Variants in TMEM117 observed in about 807,000 individuals in gnomAD.
The protein encoded by TMEM117 is transmembrane protein 117.
Under a neutral mutation model 52.4 loss-of-function variants are expected in TMEM117, and 27 were observed. The ratio of observed to expected loss-of-function variants is 0.51; its 90% CI spans 0.38 to 0.71. TMEM117 has a LOEUF of 0.71. Ranked by LOEUF, TMEM117 falls within the 30% of genes least tolerant of loss-of-function variation. TMEM117 has a pLI of 0.00. For synonymous variants in TMEM117, 215 were observed against 206.3 expected (o/e 1.04, Z -0.36); for missense variants, 556 against 630.5 (o/e 0.88, Z 1.26).
chr12:43,839,861 C>T (rs1943089981), intron 1 of TMEM117, among the ~76,000 whole-genome samples: 2 of 152,208 alleles, frequency 1.3e-5, no homozygotes, highest in Non-Finnish European at 2.9e-5. Context: ...TGATGATCAG[C>T]ACTCTTTTGC....
chr12:43,800,561 T>C, the TMEM117 span: 6 of 1,537,636 alleles, frequency 3.9e-6, no homozygotes, highest in African/African-American at 1.4e-5. Flanking sequence ...ACTTAGTTTA[T>C]AGATGAAAAC....
chr12:44,195,651 C>T (rs1949408952), intron 4 of TMEM117, among the ~76,000 whole-genome samples: 1 of 151,904 alleles, frequency 6.6e-6, no homozygotes, highest in Non-Finnish European at 1.5e-5. Context: ...GCAAAATAGA[C>T]TTTTGACAGG....
chr12:44,174,037 A>T (rs924460597), intron 4 of TMEM117, among the ~76,000 whole-genome samples: 1 of 152,166 alleles, frequency 6.6e-6, no homozygotes, highest in African/African-American at 2.4e-5. Context: ...ACTTTTTTTT[A>T]AAGTTTTTAA....
At chr12:44,119,492 T>G (rs967318683) in intron 3 of TMEM117, among the ~76,000 whole-genome samples, 9 of 152,230 alleles carry the variant, frequency 5.9e-5, no homozygotes, top group African/African-American at 1.9e-4. Flanking sequence ...GCCCCAGCTT[T>G]GATCATTCCT....
chr12:44,251,066 C>T (rs888661490), intron 5 of TMEM117, among the ~76,000 whole-genome samples: 9 of 152,038 alleles, frequency 5.9e-5, no homozygotes, highest in African/African-American at 9.7e-5. Context: ...CTCTGGTGCA[C>T]GTCTTGACTC....
At chr12:43,925,043 G>A (rs1944756214) in intron 2 of TMEM117, among the ~76,000 whole-genome samples, 1 of 152,102 alleles carries the variant, frequency 6.6e-6, no homozygotes, top group African/African-American at 2.4e-5. Context: ...TCCTCAAGTG[G>A]AATTTTTCAT....
At chr12:43,855,630 A>T (rs934966890) in intron 2 of TMEM117, among the ~76,000 whole-genome samples, 6 of 152,234 alleles carry the variant, frequency 3.9e-5, no homozygotes, top group African/African-American at 1.4e-4. Flanking sequence ...TGGGGACAAA[A>T]GCATCCTCAA....
intron 3 of TMEM117, among the ~76,000 whole-genome samples, chr12:44,008,260 G>A (rs1351445748): frequency 6.6e-6 from 1 of 152,134 alleles, no homozygotes; most frequent in African/African-American, 2.4e-5. Context: ...CCTCTCTCCT[G>A]ACAAAGAATA....
intron 4 of TMEM117, among the ~76,000 whole-genome samples, chr12:44,153,132 A>G (rs894353001): frequency 3.7e-4 from 56 of 151,848 alleles, no homozygotes; most frequent in African/African-American, 1.3e-3. Flanking sequence ...TTATTGTATC[A>G]TTAACTTTAT....
In TMEM117 at chr12:44,027,164, ATTTTAT is replaced by A. The variant is rs1317425503; in HGVS notation, c.410+82826_410+82831del. Among the ~76,000 whole-genome samples, 292 of 126,916 alleles carry A rather than the reference ATTTTAT, an allele frequency of 2.3e-3. 1 individual carries two copies. The highest frequency in any genetic ancestry group is 0.012 in the South Asian group (50 of 4,054). The allele number at this position is 126,916 out of a possible 152,430, so 83.3% of individuals were successfully genotyped here. ...ATTTTATTTTATTTTATTTTATTTT[ATTTTAT>A]TTTATTTTATTTTATTTTATTTTAT... is the stretch of plus-strand genomic sequence containing the variant. On this transcript the variant is annotated intron_variant, in intron 3 of 7. Coordinates refer to ENST00000266534, the MANE Select transcript of TMEM117 (RefSeq NM_032256.3).
chr12:44,381,488 A>G (rs1252308188), intron 7 of TMEM117, among the ~76,000 whole-genome samples: 1 of 152,186 alleles, frequency 6.6e-6, no homozygotes, highest in African/African-American at 2.4e-5. Context: ...GCCATCTGTC[A>G]TCGCAGCCAA....
intron 6 of TMEM117, among the ~76,000 whole-genome samples, chr12:44,348,950 C>T (rs1951527438): frequency 6.6e-6 from 1 of 151,678 alleles, no homozygotes; most frequent in African/African-American, 2.4e-5. Flanking sequence ...TCCTTTATAG[C>T]TTAGCCTGTA....
chr12:43,877,256 A>T (rs1943813611), intron 2 of TMEM117, among the ~76,000 whole-genome samples: 1 of 152,224 alleles, frequency 6.6e-6, no homozygotes, highest in African/African-American at 2.4e-5. Flanking sequence ...ATGAACTTTG[A>T]TCTTCAATTT....
intron 3 of TMEM117, among the ~76,000 whole-genome samples, chr12:43,992,005 A>G (rs1040121320): frequency 2.6e-5 from 4 of 152,014 alleles, no homozygotes; most frequent in East Asian, 2.0e-4. Context: ...ACCAAAAAAT[A>G]TACAAAAATT....
intron 3 of TMEM117, among the ~76,000 whole-genome samples, chr12:44,045,264 C>T (rs1246879031): frequency 6.6e-6 from 1 of 152,168 alleles, no homozygotes; most frequent in African/African-American, 2.4e-5. Context: ...CTGCTGAGTG[C>T]CCAATTTGCC....
At chr12:44,395,835 T>A in the TMEM117 span, among the ~76,000 whole-genome samples, 1 of 152,190 alleles carries the variant, frequency 6.6e-6, no homozygotes, top group African/African-American at 2.4e-5. Flanking sequence ...TGGCCAGAAC[T>A]CAGTTACAGC....
intron 6 of TMEM117, among the ~76,000 whole-genome samples, chr12:44,361,146 C>T (rs1951715630): frequency 6.6e-6 from 1 of 152,092 alleles, no homozygotes; most frequent in South Asian, 2.1e-4. Flanking sequence ...TAAAGCTACC[C>T]ACTGAGAAAA....
intron 3 of TMEM117, among the ~76,000 whole-genome samples, chr12:44,092,056 G>A (rs921794787): frequency 2.6e-5 from 4 of 152,162 alleles, no homozygotes; most frequent in Non-Finnish European, 5.9e-5. Context: ...AAGATACTCA[G>A]CTCAGATGCC....
At chr12:44,097,576 G>A (rs139503325) in intron 3 of TMEM117, among the ~76,000 whole-genome samples, 1 of 151,970 alleles carries the variant, frequency 6.6e-6, no homozygotes, top group Non-Finnish European at 1.5e-5. Context: ...GGACATGGAT[G>A]AACTTGGAAG....
Sources: gnomAD v4.1 joint callset for allele counts (sites outside exome capture counted in the v4.1 genomes callset) on GRCh38, gnomAD v4.1.1 for gene constraint, MANE v1.5 for transcripts, NCBI Gene and HGNC (gene_info 2026-07-23, HGNC 2026-07-21) for gene names.